The following PTPRD variants were observed in gnomAD, a reference collection of about 807,000 sequenced individuals.
PTPRD encodes the protein receptor-type tyrosine-protein phosphatase delta.
PTPRD carries 34 observed loss-of-function variants against 214.5 expected under a neutral mutation model. That is an observed-to-expected ratio of 0.16 (90% CI 0.12 to 0.21). The LOEUF (loss-of-function observed/expected upper bound fraction) is 0.21, where lower values mean the gene tolerates loss of function less well. Ranked by LOEUF, PTPRD falls within the 10% of genes least tolerant of loss-of-function variation. PTPRD has a pLI of 1.00. For missense variants in PTPRD, 2,545 were observed against 2,398.7 expected (o/e 1.06, Z -1.27); for synonymous variants, 1,128 against 845.7 (o/e 1.33, Z -5.79).
At chr9:9,992,863 C>T (rs994912039) in intron 4 of PTPRD, among the ~76,000 whole-genome samples, 7 of 151,944 alleles carry the variant, frequency 4.6e-5, no homozygotes, top group Admixed American at 6.6e-5. Flanking sequence ...GACGAGTTAA[C>T]GGGTGCAGCA....
intron 5 of PTPRD, among the ~76,000 whole-genome samples, chr9:9,832,924 A>G (rs1024324652): frequency 1.3e-5 from 2 of 151,788 alleles, no homozygotes; most frequent in Admixed American, 1.3e-4. Flanking sequence ...GAGAGGAAAA[A>G]AAGTCCTTAT....
chr9:9,174,534 T>C (rs1218235712), intron 10 of PTPRD, among the ~76,000 whole-genome samples: 1 of 152,164 alleles, frequency 6.6e-6, no homozygotes, highest in Admixed American at 6.6e-5. Context: ...ATCCTTGTGA[T>C]TGAGGTGAAG....
chr9:9,442,535 G>A (rs376594172), intron 8 of PTPRD, among the ~76,000 whole-genome samples: 3 of 152,246 alleles, frequency 2.0e-5, no homozygotes, highest in African/African-American at 7.2e-5. Flanking sequence ...CCACTAAATG[G>A]CTTGACTGAA....
chr9:8,733,366 T>C (rs2098681071), intron 12 of PTPRD, among the ~76,000 whole-genome samples: 1 of 152,158 alleles, frequency 6.6e-6, no homozygotes, highest in Non-Finnish European at 1.5e-5. Flanking sequence ...ATTAGGCTCA[T>C]TGTGACATTG....
At chr9:10,491,101 T>C (rs1159478142) in intron 2 of PTPRD, among the ~76,000 whole-genome samples, 1 of 152,172 alleles carries the variant, frequency 6.6e-6, no homozygotes, top group Non-Finnish European at 1.5e-5. Context: ...CACAGTTATA[T>C]ACCTGGCCGC....
At chr9:10,245,771 G>C (rs1414329122) in intron 3 of PTPRD, among the ~76,000 whole-genome samples, 6 of 152,172 alleles carry the variant, frequency 3.9e-5, no homozygotes, top group African/African-American at 1.4e-4. Flanking sequence ...ATGTGGCAGG[G>C]AGAGAGATTG....
chr9:9,128,195 T>A (rs2099837038), intron 10 of PTPRD, among the ~76,000 whole-genome samples: 1 of 152,176 alleles, frequency 6.6e-6, no homozygotes, highest in African/African-American at 2.4e-5. Flanking sequence ...CTATTTAATT[T>A]AAAAAATAAA....
At position 8,984,060 on chromosome 9, in the gene PTPRD, C is replaced by T. The variant is rs895342299; in HGVS notation, c.-104+34637G>A. On this transcript the variant is annotated intron_variant, in intron 11 of 45. Coordinates refer to ENST00000381196, the MANE Select transcript of PTPRD (RefSeq NM_002839.4). ...AACGTATATTTAGTATGTGTGTTTT[C>T]TACTTAATATAGAACATCATTTAAA... 2.0e-5 allele frequency among the ~76,000 whole-genome samples: 3 copies of T among 151,892 alleles called. No homozygotes were observed. The South Asian group carries it at 6.2e-4, about 32-fold the overall frequency.
chr9:9,223,886 T>C (rs2099957749), intron 9 of PTPRD, among the ~76,000 whole-genome samples: 1 of 152,034 alleles, frequency 6.6e-6, no homozygotes, highest in Admixed American at 6.6e-5. Flanking sequence ...TCCAGTCCTT[T>C]TTCCTATACA....
At chr9:9,003,102 TA>T (rs1185542538) in intron 11 of PTPRD, among the ~76,000 whole-genome samples, 6 of 152,066 alleles carry the variant, frequency 3.9e-5, no homozygotes, top group Non-Finnish European at 8.8e-5. Context: ...ATACGTTAGG[TA>T]ACTCTGTTTG....
chr9:9,744,908 G>A (rs1426822974), intron 6 of PTPRD, among the ~76,000 whole-genome samples: 10 of 151,978 alleles, frequency 6.6e-5, no homozygotes, highest in African/African-American at 2.4e-4. Context: ...TCATTTGCAT[G>A]TAGTTCTAAT....
At chr9:8,826,982 T>C (rs2097188820) in intron 11 of PTPRD, among the ~76,000 whole-genome samples, 1 of 152,016 alleles carries the variant, frequency 6.6e-6, no homozygotes, top group African/African-American at 2.4e-5. Context: ...TTGTTTAAAC[T>C]GGCAGATTTC....
At chr9:9,026,935 C>A (rs993672297) in intron 10 of PTPRD, among the ~76,000 whole-genome samples, 1 of 151,642 alleles carries the variant, frequency 6.6e-6, no homozygotes, top group Non-Finnish European at 1.5e-5. Context: ...GGAATCTCCC[C>A]AGCCAGAGCT....
intron 3 of PTPRD, among the ~76,000 whole-genome samples, chr9:10,059,424 CA>C (rs952906929): frequency 1.1e-4 from 17 of 152,046 alleles, no homozygotes; most frequent in African/African-American, 4.1e-4. Flanking sequence ...TTTTACAAGG[CA>C]GTTGCTGGTA....
At chr9:8,668,577 G>A (rs1336556864) in intron 12 of PTPRD, among the ~76,000 whole-genome samples, 1 of 152,122 alleles carries the variant, frequency 6.6e-6, no homozygotes, top group Non-Finnish European at 1.5e-5. Context: ...TCAAAACAAA[G>A]ACTAGACGAT....
chr9:9,580,534 C>T (rs1268024233), intron 7 of PTPRD, among the ~76,000 whole-genome samples: 4 of 146,734 alleles, frequency 2.7e-5, no homozygotes, highest in Admixed American at 6.9e-5. Flanking sequence ...ATGTCCTTAG[C>T]TTACTTTATT....
intron 9 of PTPRD, among the ~76,000 whole-genome samples, chr9:9,394,292 T>C (rs1043853037): frequency 3.9e-5 from 6 of 152,148 alleles, no homozygotes; most frequent in African/African-American, 1.4e-4. Flanking sequence ...AATAAGAGCT[T>C]GCATCTCTCA....
chr9:9,608,293 C>T (rs953427353), intron 7 of PTPRD, among the ~76,000 whole-genome samples: 9 of 152,034 alleles, frequency 5.9e-5, no homozygotes, highest in African/African-American at 2.2e-4. Flanking sequence ...TTTTGATGTA[C>T]TAAAGTAATA....
chr9:8,591,741 A>G (rs1037705421), intron 14 of PTPRD, among the ~76,000 whole-genome samples: 5 of 152,196 alleles, frequency 3.3e-5, no homozygotes, highest in Admixed American at 6.5e-5. Flanking sequence ...CAAACTAGAA[A>G]TAGCAATCTC....
Sources: gnomAD v4.1 joint callset for allele counts (sites outside exome capture counted in the v4.1 genomes callset) on GRCh38, gnomAD v4.1.1 for gene constraint, MANE v1.5 for transcripts, NCBI Gene and HGNC (gene_info 2026-07-23, HGNC 2026-07-21) for gene names.